RELN: variants seen among roughly 807,000 people sequenced by gnomAD.
RELN encodes the protein reelin.
RELN carries 108 observed loss-of-function variants against 427.6 expected under a neutral mutation model. That is an observed-to-expected ratio of 0.25 (90% CI 0.22 to 0.30). RELN has a LOEUF of 0.30. Ranked by LOEUF, RELN falls within the 10% of genes least tolerant of loss-of-function variation. RELN has a pLI of 1.00. For synonymous variants in RELN, 1,524 were observed against 1,513.4 expected, an observed-to-expected ratio of 1.01 and a Z score of -0.16; for missense variants, 3,715 against 4,302.8, an observed-to-expected ratio of 0.86 and a Z score of 3.82.
chr7:103,773,377 C>G (rs1233001231), intron 4 of RELN, among the ~76,000 whole-genome samples: 1 of 116,004 alleles, frequency 8.6e-6, no homozygotes, highest in Non-Finnish European at 1.8e-5. Context: ...CTCCCTCCCT[C>G]CCTCCCTCCC....
Position 103,650,353 on chromosome 7 carries a change from G to T in RELN, c.1923C>A (p.Asn641Lys). The T allele has an allele frequency of 1.2e-6, 2 of 1,612,528 alleles. No individual in the cohort carries two copies. Among genetic ancestry groups the T allele is most frequent in the South Asian group, 1.1e-5 (1 of 91,062 alleles). Residue 641 changes from asparagine (N) to lysine (K), a missense_variant, in exon 16 of 65, where the codon AAC becomes AAA. Asn to Lys is a moderately conservative substitution (Grantham distance 94, BLOSUM62 0). This residue lies in a region of RELN where 2,208 missense variants were observed against 2,361.7 expected (regional missense o/e 0.93). Transcript: ENST00000428762. ...GWNRITIPLP[N>K]AALTRNTRIR... ...TCCTGGTGTTCCGGGTTAGTGCTGCGTTAGGAAGGGGAATTGTTATTCGGT... is the reference window on the plus strand; with the variant it reads ...TCCTGGTGTTCCGGGTTAGTGCTGCTTTAGGAAGGGGAATTGTTATTCGGT...
intron 41 of RELN, among the ~76,000 whole-genome samples, chr7:103,549,365 C>T (rs1830364325): frequency 1.3e-5 from 2 of 152,188 alleles, no homozygotes; most frequent in African/African-American, 4.8e-5. Flanking sequence ...TTTATAAGGG[C>T]ACTGATGCCA....
chr7:103,753,141 C>T (rs752808464), intron 5 of RELN, 41 bp downstream of exon 5: 3 of 1,606,346 alleles, frequency 1.9e-6, no homozygotes, highest in Admixed American at 1.7e-5. Flanking sequence ...ACAAGTAGAT[C>T]AAGTACTAAA....
At chr7:103,961,504 T>C (rs909048720) in intron 1 of RELN, among the ~76,000 whole-genome samples, 3 of 152,174 alleles carry the variant, frequency 2.0e-5, no homozygotes, top group Admixed American at 6.5e-5. Flanking sequence ...ACCAGGTAAT[T>C]TACTCGTGCA....
chr7:103,698,130 T>C (rs1179473035), intron 9 of RELN, 37 bp from the exon 10 acceptor site: 2 of 1,612,850 alleles, frequency 1.2e-6, no homozygotes, highest in Non-Finnish European at 1.7e-6. Context: ...TTAGCAATGC[T>C]GACTTTTTCT....
intron 3 of RELN, among the ~76,000 whole-genome samples, chr7:103,786,037 T>A (rs1468707938): frequency 6.6e-6 from 1 of 151,916 alleles, no homozygotes. Flanking sequence ...AGGACAGTAA[T>A]GGTGTTTTCC....
chr7:103,714,193 AATAAC>A (rs1277099061), intron 8 of RELN, among the ~76,000 whole-genome samples: 1 of 152,212 alleles, frequency 6.6e-6, no homozygotes, highest in Non-Finnish European at 1.5e-5. Context: ...CATTTTATTT[AATAAC>A]ATGACTACCT....
chr7:103,634,131 A>G (rs1386402075), intron 19 of RELN, among the ~76,000 whole-genome samples: 1 of 152,164 alleles, frequency 6.6e-6, no homozygotes, highest in East Asian at 1.9e-4. Context: ...AAAACTGTAA[A>G]ATATATAAAA....
chr7:103,834,424 T>C (rs952566541), intron 2 of RELN, among the ~76,000 whole-genome samples: 1 of 152,192 alleles, frequency 6.6e-6, no homozygotes, highest in African/African-American at 2.4e-5. Context: ...AGTTGTAAAG[T>C]GGTCTTGTCT....
intron 6 of RELN, among the ~76,000 whole-genome samples, chr7:103,737,305 G>T (rs1398215907): frequency 6.6e-6 from 1 of 152,156 alleles, no homozygotes; most frequent in Admixed American, 6.5e-5. Context: ...GCCCATGGGC[G>T]TGTTGGACAC....
intron 16 of RELN, 139 bp downstream of exon 16, chr7:103,650,135 A>C: frequency 1.4e-6 from 1 of 717,106 alleles, no homozygotes; most frequent in Non-Finnish European, 2.6e-6. Flanking sequence ...AACAGAATGC[A>C]AAGGAGAAAT....
At chr7:103,974,892 T>G (rs1241738179) in intron 1 of RELN, among the ~76,000 whole-genome samples, 1 of 152,248 alleles carries the variant, frequency 6.6e-6, no homozygotes, top group Non-Finnish European at 1.5e-5. Flanking sequence ...TAGAGAAGCT[T>G]CTGGGAATAA....
chr7:103,724,488 A>G (rs1790155741), intron 7 of RELN, among the ~76,000 whole-genome samples: 1 of 152,162 alleles, frequency 6.6e-6, no homozygotes, highest in African/African-American at 2.4e-5. Context: ...CACGGCTATA[A>G]AGCTACTGCT....
At chr7:103,528,311 A>G (rs1829867529) in intron 46 of RELN, among the ~76,000 whole-genome samples, 1 of 152,248 alleles carries the variant, frequency 6.6e-6, no homozygotes, top group Non-Finnish European at 1.5e-5. Context: ...CACACATTGT[A>G]TAATTCCATT....
intron 2 of RELN, among the ~76,000 whole-genome samples, chr7:103,868,305 T>C (rs1794248673): frequency 6.6e-6 from 1 of 152,130 alleles, no homozygotes; most frequent in Non-Finnish European, 1.5e-5. Flanking sequence ...GCCATGTTAA[T>C]ATTTTTAGGC....
At chr7:103,758,220 A>G (rs6965019) in intron 4 of RELN, among the ~76,000 whole-genome samples, 3,219 of 152,304 alleles carry the variant, frequency 0.021, 123 homozygotes, top group African/African-American at 0.073. Flanking sequence ...TCCTTTGTAA[A>G]GCTTGATCAA....
chr7:103,647,833 T>C (rs1832828300), intron 16 of RELN, among the ~76,000 whole-genome samples: 1 of 152,046 alleles, frequency 6.6e-6, no homozygotes, highest in African/African-American at 2.4e-5. Context: ...CAAAACTGCA[T>C]GGTACTGGTA....
chr7:103,960,897 C>T (rs1796539434), intron 1 of RELN, among the ~76,000 whole-genome samples: 1 of 152,232 alleles, frequency 6.6e-6, no homozygotes, highest in Admixed American at 6.5e-5. Flanking sequence ...TCCTCACATA[C>T]AAGCTAATTT....
chr7:103,830,182 T>C (rs192009624), intron 3 of RELN, among the ~76,000 whole-genome samples: 1 of 149,154 alleles, frequency 6.7e-6, no homozygotes, highest in Admixed American at 6.8e-5. Flanking sequence ...CAATAAAATA[T>C]AATATCATTA....
Sources: allele counts gnomAD v4.1 joint callset (sites outside exome capture counted in the v4.1 genomes callset), GRCh38; gene constraint gnomAD v4.1.1; regional missense constraint gnomAD v4.1.1; transcripts MANE v1.5; gene names NCBI Gene and HGNC (gene_info 2026-07-23, HGNC 2026-07-21).